Variants in PGAP2 observed in about 807,000 individuals in gnomAD.
PGAP2 encodes acyltransferase PGAP2.
PGAP2 carries 21 observed loss-of-function variants against 33.2 expected under a neutral mutation model. The observed-to-expected ratio is 0.63, with a 90% CI of 0.45 to 0.91. The LOEUF is 0.91. Among genes scored for constraint, PGAP2 ranks in the 40% least tolerant of loss-of-function variants. PGAP2 has a pLI of 0.00. For synonymous variants in PGAP2, 161 were observed against 172.9 expected (o/e 0.93, Z 0.54); for missense variants, 345 against 424.0 (o/e 0.81, Z 1.64).
chr11:3,812,344 G>T (rs1037893480), intron 2 of PGAP2, among the ~76,000 whole-genome samples: 1 of 152,174 alleles, frequency 6.6e-6, no homozygotes, highest in Non-Finnish European at 1.5e-5. Context: ...TGGGAGGATT[G>T]CTTGAGCCTA....
chr11:3,808,437 C>G, upstream of PGAP2: 1 of 1,527,886 alleles, frequency 6.5e-7, no homozygotes. Flanking sequence ...GGTTTGAGGA[C>G]ACGCCAGATT....
chr11:3,808,069 G>T, upstream of PGAP2: 2 of 1,118,058 alleles, frequency 1.8e-6, no homozygotes, highest in South Asian at 1.7e-5. Flanking sequence ...TGCCTCACCG[G>T]GTCTCACTGC....
chr11:3,811,191 T>C lies in PGAP2; in HGVS notation c.-10-59T>C. On this transcript the variant is annotated intron_variant, in intron 1 of 6. Coordinates refer to ENST00000278243, the MANE Select transcript of PGAP2 (RefSeq NM_014489.4). This position sits in a 1 kb window ranked among gnomAD's most constrained non-coding sequence, Gnocchi z 4.6. The stretch of plus-strand genomic sequence containing the variant: ...TAGGACTGAGCACAAGGGCTGACTT[T>C]ATCACTGAGTGCCAGCCTGGCTGCC... 2 of 1,522,434 alleles carry C rather than the reference T, an allele frequency of 1.3e-6. No homozygotes were observed. Among genetic ancestry groups the C allele is most frequent in the Non-Finnish European group, 1.8e-6 (2 of 1,116,144 alleles). The allele number at this position is 1,522,434 out of a possible 1,614,324, so 94.3% of individuals were successfully genotyped here.
chr11:3,823,558 C>T, intron 3 of PGAP2: 3 of 1,532,554 alleles, frequency 2.0e-6, no homozygotes, highest in African/African-American at 2.7e-5. Flanking sequence ...GGAGGCACAG[C>T]TCTGAGCTAT....
chr11:3,799,506 G>T (rs1484799181), intron 1 of PGAP2, among the ~76,000 whole-genome samples: 1 of 152,014 alleles, frequency 6.6e-6, no homozygotes, highest in Non-Finnish European at 1.5e-5. Flanking sequence ...CTGCCACTGC[G>T]CTCCAGAGTG....
chr11:3,822,220 C>T (rs2088901590), intron 3 of PGAP2, among the ~76,000 whole-genome samples: 3 of 151,888 alleles, frequency 2.0e-5, no homozygotes, highest in African/African-American at 4.8e-5. Flanking sequence ...AAAAATTAGC[C>T]GGGCGTGGTG....
chr11:3,807,030 A>C (rs1207365864), upstream of PGAP2, among the ~76,000 whole-genome samples: 1 of 147,568 alleles, frequency 6.8e-6, no homozygotes, highest in Non-Finnish European at 1.5e-5. Context: ...CCAAAAAAAA[A>C]GAGAGAAAGA....
rs1003250921 is a variant in PGAP2, at chr11:3,824,292, T to C, written c.624T>C (p.Ile208=). 6.2e-7 allele frequency: 1 copy of C among 1,614,176 alleles called. No homozygotes were observed. The highest frequency in any genetic ancestry group is 8.5e-7 in the Non-Finnish European group (1 of 1,180,024). The change falls in exon 5 of 7, where the codon ATT becomes ATC. Residue 208 remains isoleucine (I), a synonymous_variant. Coordinates refer to ENST00000278243, the MANE Select transcript of PGAP2 (RefSeq NM_014489.4). ...CAGCCATCCACGAAAATGCTTTCAT[T>C]GTGTTCATTGCCTCATCCCTCGGGC... is the stretch of plus-strand genomic sequence containing the variant. ...EDFTIHENAF[I]VFIASSLGHM... is the part of the protein sequence containing the mutation.
intron 1 of PGAP2, among the ~76,000 whole-genome samples, chr11:3,802,212 T>C (rs2083566053): frequency 6.6e-6 from 1 of 152,010 alleles, no homozygotes; most frequent in African/African-American, 2.4e-5. Flanking sequence ...GAGGAATACG[T>C]ACTGGATGAG....
At chr11:3,808,552 C>T (rs994724200), upstream of PGAP2, 5 of 1,393,172 alleles carry the variant, frequency 3.6e-6, no homozygotes, top group Admixed American at 6.1e-5. Flanking sequence ...GCCGGCCCCG[C>T]CCCCGCCGTT....
upstream of PGAP2, among the ~76,000 whole-genome samples, chr11:3,803,844 G>A (rs2083884333): frequency 6.6e-6 from 1 of 151,090 alleles, no homozygotes; most frequent in African/African-American, 2.4e-5. Flanking sequence ...AGGCTGGAGT[G>A]CAGTGGTGCG....
chr11:3,803,885 G>C (rs1174832831), upstream of PGAP2, among the ~76,000 whole-genome samples: 2 of 151,832 alleles, frequency 1.3e-5, no homozygotes, highest in Non-Finnish European at 2.9e-5. Context: ...CTGCCTCCCA[G>C]GTTCAAGTGA....
At chr11:3,797,876 G>T (rs935219037) in exon 1 of PGAP2, 10 of 1,550,054 alleles carry the variant, frequency 6.5e-6, no homozygotes, top group Non-Finnish European at 7.0e-6. Context: ...GCGGGGTGTC[G>T]GGAAGGGTGG....
At chr11:3,823,007 AC>A (rs1565051088) in intron 3 of PGAP2, 2 of 929,138 alleles carry the variant, frequency 2.2e-6, no homozygotes, top group South Asian at 2.0e-5. Context: ...AGGAGCACCC[AC>A]TTTCTTTTTT....
chr11:3,820,315 T>A (rs1343152092), intron 3 of PGAP2, among the ~76,000 whole-genome samples: 1 of 152,240 alleles, frequency 6.6e-6, no homozygotes, highest in African/African-American at 2.4e-5. Flanking sequence ...AAATTTTGTC[T>A]TCTGAAAGCC....
Position 3,825,526 on chromosome 11 carries a change from C to T in PGAP2, c.*68C>T. The T allele has an allele frequency of 3.3e-6, 5 of 1,492,816 alleles. No homozygotes were observed. The highest frequency in any genetic ancestry group is 3.7e-6 in the Non-Finnish European group (4 of 1,092,888). The allele number at this position is 1,492,816 out of a possible 1,614,324, so 92.5% of individuals were successfully genotyped here. On this transcript the variant is annotated 3_prime_UTR_variant, in exon 7 of 7. Transcript: ENST00000278243. ...AACAAGAAACACGATACCATTCTGG[C>T]CTTCCCCACCCCACATCCTCTCTTG...
intron 2 of PGAP2, among the ~76,000 whole-genome samples, chr11:3,813,549 A>C (rs2086071332): frequency 6.6e-6 from 1 of 151,906 alleles, no homozygotes; most frequent in African/African-American, 2.4e-5. Flanking sequence ...ATGCCCAGCT[A>C]ATTTTTGTGT....
At position 3,817,468 on chromosome 11, in the gene PGAP2, GCTT is replaced by G. The variant is rs1258356695; in HGVS notation, c.290_292del (p.Phe97del). On this transcript the variant is annotated inframe_deletion, in exon 3 of 7. Coordinates refer to ENST00000278243, the MANE Select transcript of PGAP2 (RefSeq NM_014489.4). ...TGGGCCATCACTTTTCCTGTGTTCG[GCTT>G]CTTCTTCTGCATCATCTGGTCCCTG... The G allele has an allele frequency of 7.4e-6, 12 of 1,614,026 alleles. No individual in the cohort carries two copies. Among genetic ancestry groups the G allele is most frequent in the South Asian group, 1.1e-5 (1 of 91,082 alleles).
intron 2 of PGAP2, among the ~76,000 whole-genome samples, chr11:3,814,182 G>C (rs574994675): frequency 4.6e-5 from 7 of 152,170 alleles, no homozygotes; most frequent in Non-Finnish European, 1.0e-4. Context: ...CCCAGTGATG[G>C]GGAGCTTCCT....
Sources: gnomAD v4.1 joint callset for allele counts (sites outside exome capture counted in the v4.1 genomes callset) on GRCh38, gnomAD v4.1.1 for gene constraint, Gnocchi (gnomAD v3.1) non-coding constraint, MANE v1.5 for transcripts, NCBI Gene and HGNC (gene_info 2026-07-23, HGNC 2026-07-21) for gene names.